The following HS3ST5 variants were observed in gnomAD, a reference collection of about 807,000 sequenced individuals.
HS3ST5 encodes the protein heparan sulfate glucosamine 3-O-sulfotransferase 5.
Under a neutral mutation model 25.4 loss-of-function variants are expected in HS3ST5, and 10 were observed. The observed-to-expected ratio is 0.39, with a 90% CI of 0.24 to 0.67. The LOEUF is 0.67. Among genes scored for constraint, HS3ST5 ranks in the 30% least tolerant of loss-of-function variants. The pLI is 0.44. For synonymous variants in HS3ST5, 170 were observed against 162.4 expected (o/e 1.05, Z -0.36); for missense variants, 324 against 420.7 (o/e 0.77, Z 2.01).
intron 2 of HS3ST5, among the ~76,000 whole-genome samples, chr6:114,212,833 A>G (rs1424331711): frequency 6.6e-6 from 1 of 152,116 alleles, no homozygotes; most frequent in Non-Finnish European, 1.5e-5. Context: ...TGGTTTGTGT[A>G]CTCAGCCTGC....
At chr6:114,100,916 A>C (rs1775698029) in intron 3 of HS3ST5, among the ~76,000 whole-genome samples, 2 of 152,228 alleles carry the variant, frequency 1.3e-5, no homozygotes, top group South Asian at 4.1e-4. Flanking sequence ...AGTGCTAGCT[A>C]AGAGTCATAG....
In HS3ST5 at chr6:114,320,545, A is replaced by G. The variant is rs558530546; in HGVS notation, c.-339+21650T>C. On this transcript the variant is annotated intron_variant, in intron 1 of 4. Coordinates refer to ENST00000312719, the MANE Select transcript of HS3ST5 (RefSeq NM_153612.4). Reference sequence around the variant, plus strand: ...TAGCTCTTGTGATCTCTCTATTCCTATTTCACTATCTGCACCCACTTCTCT... The same window carrying G: ...TAGCTCTTGTGATCTCTCTATTCCTGTTTCACTATCTGCACCCACTTCTCT... Among the ~76,000 whole-genome samples, 17 of 152,016 alleles carry G rather than the reference A, an allele frequency of 1.1e-4. No homozygotes were observed. In the South Asian group the frequency reaches 2.3e-3, roughly 20 times the overall value.
chr6:114,112,178 G>A (rs1261904540), intron 3 of HS3ST5, among the ~76,000 whole-genome samples: 1 of 152,186 alleles, frequency 6.6e-6, no homozygotes, highest in Non-Finnish European at 1.5e-5. Flanking sequence ...CAGATTATAT[G>A]GCGAAGGGGA....
chr6:114,222,937 A>G (rs941625280), intron 2 of HS3ST5, among the ~76,000 whole-genome samples: 1 of 151,810 alleles, frequency 6.6e-6, no homozygotes, highest in Non-Finnish European at 1.5e-5. Context: ...GATGTATTTG[A>G]GCAATCTTTA....
chr6:114,106,171 G>C (rs549986849), intron 3 of HS3ST5, among the ~76,000 whole-genome samples: 1 of 152,160 alleles, frequency 6.6e-6, no homozygotes, highest in African/African-American at 2.4e-5. Flanking sequence ...AAGTTTTCAA[G>C]ATAATGAGAT....
intron 1 of HS3ST5, among the ~76,000 whole-genome samples, chr6:114,262,408 G>A (rs369362752): frequency 5.3e-5 from 8 of 152,194 alleles, no homozygotes; most frequent in African/African-American, 1.2e-4. Context: ...TTAGCCAGGC[G>A]TGGTGGCAGG....
intron 2 of HS3ST5, among the ~76,000 whole-genome samples, chr6:114,203,022 G>A (rs780489543): frequency 6.6e-6 from 1 of 152,186 alleles, no homozygotes; most frequent in Non-Finnish European, 1.5e-5. Context: ...ATCAGAACTG[G>A]TGGTTAGTTA....
At chr6:114,284,780 C>T (rs1397765470) in intron 1 of HS3ST5, among the ~76,000 whole-genome samples, 2 of 151,886 alleles carry the variant, frequency 1.3e-5, no homozygotes, top group Non-Finnish European at 2.9e-5. Flanking sequence ...GCACACCACA[C>T]ACACTCATAT....
At chr6:114,296,610 G>A (rs1582795943) in intron 1 of HS3ST5, among the ~76,000 whole-genome samples, 1 of 152,084 alleles carries the variant, frequency 6.6e-6, no homozygotes, top group Non-Finnish European at 1.5e-5. Flanking sequence ...TCAACATAAT[G>A]CTAAAAATTC....
chr6:114,320,042 A>G (rs1775902227), intron 1 of HS3ST5, among the ~76,000 whole-genome samples: 1 of 152,098 alleles, frequency 6.6e-6, no homozygotes, highest in African/African-American at 2.4e-5. Context: ...AATAATAACT[A>G]TTAGAACTTG....
At chr6:114,093,770 A>G (rs1300714867) in intron 3 of HS3ST5, among the ~76,000 whole-genome samples, 2 of 152,158 alleles carry the variant, frequency 1.3e-5, no homozygotes, top group South Asian at 2.1e-4. Flanking sequence ...CCTGCTTTGT[A>G]TAGAGGCCAA....
At chr6:114,261,032 A>G (rs1773146598) in intron 1 of HS3ST5, among the ~76,000 whole-genome samples, 1 of 152,210 alleles carries the variant, frequency 6.6e-6, no homozygotes, top group African/African-American at 2.4e-5. Flanking sequence ...GACGATGACA[A>G]TAGTGACAGC....
chr6:114,153,888 A>T, intron 3 of HS3ST5, among the ~76,000 whole-genome samples: 1 of 152,286 alleles, frequency 6.6e-6, no homozygotes, highest in Admixed American at 6.5e-5. Flanking sequence ...GGTCAAGATT[A>T]TTTTGCTTTT....
intron 2 of HS3ST5, among the ~76,000 whole-genome samples, chr6:114,213,096 T>C (rs2114443886): frequency 1.3e-5 from 2 of 152,156 alleles, no homozygotes; most frequent in East Asian, 3.9e-4. Flanking sequence ...CTCAGCGGGA[T>C]GGAGAGCTAG....
intron 2 of HS3ST5, among the ~76,000 whole-genome samples, chr6:114,177,213 G>A (rs1779761508): frequency 1.3e-5 from 2 of 152,106 alleles, no homozygotes; most frequent in African/African-American, 2.4e-5. Context: ...CCTTGAAATA[G>A]TTAGGCCTTT....
intron 2 of HS3ST5, among the ~76,000 whole-genome samples, chr6:114,227,253 T>G (rs1771343331): frequency 2.0e-5 from 2 of 102,010 alleles, no homozygotes; most frequent in African/African-American, 6.9e-5. Flanking sequence ...TTCTTTTTGA[T>G]GAAAGGTTTA....
At chr6:114,060,775 A>G (rs1773066432) in intron 4 of HS3ST5, among the ~76,000 whole-genome samples, 1 of 152,170 alleles carries the variant, frequency 6.6e-6, no homozygotes, top group African/African-American at 2.4e-5. Context: ...TCCTCTTTCT[A>G]TCTTCTACCC....
chr6:114,122,445 T>A (rs1312578810), intron 3 of HS3ST5, among the ~76,000 whole-genome samples: 1 of 152,166 alleles, frequency 6.6e-6, no homozygotes, highest in Non-Finnish European at 1.5e-5. Context: ...CCCAGGGAAT[T>A]CTGAGCCAAG....
chr6:114,100,515 A>G (rs926368386), intron 3 of HS3ST5, among the ~76,000 whole-genome samples: 2 of 152,188 alleles, frequency 1.3e-5, no homozygotes, highest in African/African-American at 4.8e-5. Context: ...GCACAAATCA[A>G]TAGGCAGCTT....
Sources: gnomAD v4.1 joint callset for allele counts (sites outside exome capture counted in the v4.1 genomes callset) on GRCh38, gnomAD v4.1.1 for gene constraint, MANE v1.5 for transcripts, NCBI Gene and HGNC (gene_info 2026-07-23, HGNC 2026-07-21) for gene names.